Variants in CEP70 observed in about 807,000 individuals in gnomAD.
The protein encoded by CEP70 is centrosomal protein of 70 kDa.
A neutral mutation model predicts 90.9 loss-of-function variants in CEP70; 70 were observed. That is an observed-to-expected ratio of 0.77 (90% CI 0.64 to 0.94). CEP70 has a LOEUF of 0.94. Ranked by LOEUF, CEP70 falls within the 40% of genes least tolerant of loss-of-function variation. CEP70 has a pLI of 0.00. For synonymous variants in CEP70, 220 were observed against 228.3 expected (o/e 0.96, Z 0.33); for missense variants, 648 against 669.0 (o/e 0.97, Z 0.35).
chr3:138,586,698 T>C (rs1432407061), intron 2 of CEP70, among the ~76,000 whole-genome samples: 1 of 151,972 alleles, frequency 6.6e-6, no homozygotes, highest in Non-Finnish European at 1.5e-5. Flanking sequence ...ACAGGTGGGC[T>C]GAAAGGAAGA....
intron 12 of CEP70, among the ~76,000 whole-genome samples, chr3:138,507,344 T>C (rs2035080832): frequency 6.6e-6 from 1 of 152,172 alleles, no homozygotes; most frequent in Non-Finnish European, 1.5e-5. Flanking sequence ...AGGTGTCATT[T>C]CTCCAAATAT....
intron 2 of CEP70, among the ~76,000 whole-genome samples, chr3:138,580,014 C>T (rs1374194323): frequency 6.6e-6 from 1 of 152,000 alleles, no homozygotes; most frequent in Non-Finnish European, 1.5e-5. Flanking sequence ...GGCCTGGTAG[C>T]ATTCACCAGC....
chr3:138,505,914 A>G (rs549411480), intron 12 of CEP70, among the ~76,000 whole-genome samples: 2 of 152,336 alleles, frequency 1.3e-5, no homozygotes, highest in South Asian at 4.1e-4. Flanking sequence ...TGTCAATCTC[A>G]TCCAGAAGCA....
rs9749800 is a variant in CEP70 at position 138,523,907 on chromosome 3, G to T, written c.944+1583C>A. Among the ~76,000 whole-genome samples the T allele has an allele frequency of 4.7e-3, 714 of 151,852 alleles. 4 individuals are homozygous for T. Among genetic ancestry groups the T allele is most frequent in the African/African-American group, 0.017 (686 of 41,294 alleles). On this transcript the variant is annotated intron_variant, in intron 11 of 17. Coordinates refer to ENST00000264982, the MANE Select transcript of CEP70 (RefSeq NM_024491.4). ...TTCATATGGAACCAAAAAAGAGCCC[G>T]CATTGCCAAGTCAATCCTAAGCCAA...
rs1416193106 is a variant in CEP70, at chr3:138,508,506, G to C, written c.983C>G (p.Thr328Arg). 1 of 1,612,302 alleles carries C rather than the reference G, an allele frequency of 6.2e-7. No individual in the cohort carries two copies. Among genetic ancestry groups the C allele is most frequent in the Non-Finnish European group, 8.5e-7 (1 of 1,178,654 alleles). The change falls in exon 12 of 18, where the codon ACA (threonine) becomes AGA (arginine). Residue 328 changes from threonine to arginine, a missense_variant. Coordinates refer to ENST00000264982, the MANE Select transcript of CEP70 (RefSeq NM_024491.4). The part of the protein sequence containing the change: ...ELINHKKAED[T>R]EKKDEPSKYN... ...TTTGCTGGGCTCATCTTTCTTCTCT[G>C]TGTCCTCAGCCTTCTTATGATTAAT...
intron 11 of CEP70, among the ~76,000 whole-genome samples, chr3:138,518,847 G>C (rs1351752279): frequency 6.6e-6 from 1 of 152,194 alleles, no homozygotes; most frequent in African/African-American, 2.4e-5. Context: ...ACTTTGACGA[G>C]TTGAGAGAAG....
intron 2 of CEP70, among the ~76,000 whole-genome samples, chr3:138,574,481 G>A (rs1322920706): frequency 6.6e-6 from 1 of 152,246 alleles, no homozygotes; most frequent in Non-Finnish European, 1.5e-5. Context: ...AAAGAGGCCT[G>A]CCTGCCTCTG....
chr3:138,528,626 T>C (rs1328373252), intron 10 of CEP70, among the ~76,000 whole-genome samples: 1 of 152,188 alleles, frequency 6.6e-6, no homozygotes, highest in Non-Finnish European at 1.5e-5. Flanking sequence ...TTGGGAATTC[T>C]GGCACTGGGC....
chr3:138,564,687 C>A (rs111940019), intron 6 of CEP70, among the ~76,000 whole-genome samples: 1 of 151,942 alleles, frequency 6.6e-6, no homozygotes, highest in African/African-American at 2.4e-5. Flanking sequence ...GGGGATTGAT[C>A]GAACGTATCT....
At chr3:138,560,307 C>T (rs147741776) in intron 6 of CEP70, among the ~76,000 whole-genome samples, 17 of 152,176 alleles carry the variant, frequency 1.1e-4, no homozygotes, top group Middle Eastern at 3.4e-3. Context: ...GGGACTGTGC[C>T]GTGAGGAACA....
At chr3:138,496,736 C>T (rs1403621713) in intron 17 of CEP70, 5 of 985,416 alleles carry the variant, frequency 5.1e-6, no homozygotes, top group Non-Finnish European at 6.0e-6. Context: ...CCAGATTTAA[C>T]TTTCCCAATG....
intron 5 of CEP70, 83 bp downstream of exon 5, chr3:138,570,951 A>G: frequency 8.5e-7 from 1 of 1,179,356 alleles, no homozygotes; most frequent in Non-Finnish European, 1.2e-6. Flanking sequence ...AAAATGGGAA[A>G]TTAAATTTCA....
chr3:138,563,354 T>C (rs895307381), intron 6 of CEP70, among the ~76,000 whole-genome samples: 1 of 152,180 alleles, frequency 6.6e-6, no homozygotes, highest in Admixed American at 6.5e-5. Flanking sequence ...GCAGACCTAA[T>C]AGATATCTAC....
chr3:138,577,834 A>G (rs2041636458), intron 2 of CEP70, among the ~76,000 whole-genome samples: 1 of 152,184 alleles, frequency 6.6e-6, no homozygotes, highest in East Asian at 1.9e-4. Context: ...AAATCAAGCT[A>G]TATGCTGTTG....
In CEP70 at chr3:138,537,319, C is replaced by A. The variant is rs773856901; in HGVS notation, c.494G>T (p.Arg165Leu). The stretch of plus-strand genomic sequence containing the variant: ...AGCAATAGTTTCTTCTTGCTCCGTT[C>A]GTTTTTTCTTATAATGCTGGCACTT... ...QVKCQHYKKK[R>L]TEQEETIASL... Residue 165 changes from arginine to leucine, a missense_variant, in exon 7 of 18, where the codon CGA becomes CTA. Coordinates refer to ENST00000264982, the MANE Select transcript of CEP70 (RefSeq NM_024491.4). 1.3e-6 allele frequency: 2 copies of A among 1,596,070 alleles called. No individual in the cohort carries two copies. The highest frequency in any genetic ancestry group is 1.8e-5 in the Admixed American group (1 of 55,838).
At chr3:138,587,618 T>TATAAAAAAAA (rs1451112382) in intron 2 of CEP70, among the ~76,000 whole-genome samples, 1 of 35,030 alleles carries the variant, frequency 2.9e-5, no homozygotes, top group Middle Eastern at 0.015. Context: ...ACCCCATCTC[T>TATAAAAAAAA]ACAAAAAAAA....
rs1052495700 is a variant in CEP70 at position 138,496,602 on chromosome 3, C to T, written c.1732+1429G>A. 4 of 985,258 alleles carry T rather than the reference C, an allele frequency of 4.1e-6. No individual in the cohort carries two copies. The African/African-American group carries it at 7.0e-5, about 17-fold the overall frequency. The allele number at this position is 985,258 out of a possible 1,614,324, so 61.0% of individuals were successfully genotyped here. A position where few individuals can be genotyped will look rare whatever the true frequency, so the allele number is the denominator to read the frequency against. On this transcript the variant is annotated intron_variant, in intron 17 of 17. Transcript: ENST00000264982. ...TTTCCTCAGTCAATCACACCATTTA[C>T]ATGAGAAAAAGAATGGATTGTTTTT... is the stretch of plus-strand genomic sequence containing the variant.
chr3:138,498,204 G>T, intron 16 of CEP70, 94 bp from the exon 17 acceptor site: 1 of 806,606 alleles, frequency 1.2e-6, no homozygotes, highest in Non-Finnish European at 2.0e-6. Flanking sequence ...AAACTATATT[G>T]CTAATTTAAA....
At chr3:138,495,891 T>C in intron 17 of CEP70, 1 of 985,284 alleles carries the variant, frequency 1.0e-6, no homozygotes, top group Non-Finnish European at 1.2e-6. Flanking sequence ...AAAGATAGCC[T>C]CATCGAGTGT....
Sources: gnomAD v4.1 joint callset for allele counts (sites outside exome capture counted in the v4.1 genomes callset) on GRCh38, gnomAD v4.1.1 for gene constraint, MANE v1.5 for transcripts, NCBI Gene and HGNC (gene_info 2026-07-23, HGNC 2026-07-21) for gene names.